Variants in TMEM132C observed in about 807,000 individuals in gnomAD.
TMEM132C encodes transmembrane protein 132C.
Under a neutral mutation model 61.4 loss-of-function variants are expected in TMEM132C, and 29 were observed. That is an observed-to-expected ratio of 0.47 (90% CI 0.35 to 0.64). TMEM132C has a LOEUF of 0.64. Ranked by LOEUF, TMEM132C falls within the 30% of genes least tolerant of loss-of-function variation. The pLI, the probability that TMEM132C is intolerant of heterozygous loss-of-function variation, is 0.00. For missense variants in TMEM132C, 1,408 were observed against 1,476.9 expected (o/e 0.95, Z 0.76); for synonymous variants, 656 against 633.1 (o/e 1.04, Z -0.54).
intron 8 of TMEM132C, among the ~76,000 whole-genome samples, chr12:128,700,602 C>T (rs913084845): frequency 6.6e-6 from 1 of 152,182 alleles, no homozygotes; most frequent in African/African-American, 2.4e-5. Flanking sequence ...AGAAGGCTGG[C>T]ACCTTGTTCA....
intron 3 of TMEM132C, 26 bp downstream of exon 3, chr12:128,544,129 T>C (rs1398482359): frequency 6.7e-7 from 1 of 1,486,738 alleles, no homozygotes; most frequent in Admixed American, 2.4e-5. Flanking sequence ...CCTGCAAGCG[T>C]GTGTGGTTCC....
At chr12:128,323,201 G>C (rs1872392813) in intron 1 of TMEM132C, among the ~76,000 whole-genome samples, 2 of 152,180 alleles carry the variant, frequency 1.3e-5, no homozygotes, top group Non-Finnish European at 2.9e-5. Flanking sequence ...TTTCAGTGAG[G>C]TCCTGGCTTG....
rs1461113209 is a variant in TMEM132C, at chr12:128,706,785, A to T, written c.*490A>T. 6.6e-6 allele frequency: 1 copy of T among 152,502 alleles called. No individual in the cohort carries two copies. The highest frequency in any genetic ancestry group is 1.5e-5 in the Non-Finnish European group (1 of 68,424). The allele number at this position is 152,502 out of a possible 1,614,324, so 9.4% of individuals were successfully genotyped here. ...AACTGTCACCACACAGCTGGGGGGGAGTCATTTCTTAACAAGGGATGCCTC... is the reference window on the plus strand; with the variant it reads ...AACTGTCACCACACAGCTGGGGGGGTGTCATTTCTTAACAAGGGATGCCTC... On this transcript the variant is annotated 3_prime_UTR_variant, in exon 9 of 9. Transcript: ENST00000435159.
At chr12:128,615,300 G>T (rs1441078604) in intron 3 of TMEM132C, among the ~76,000 whole-genome samples, 1 of 152,188 alleles carries the variant, frequency 6.6e-6, no homozygotes, top group Non-Finnish European at 1.5e-5. Context: ...GGTGGTGGGG[G>T]AAGGATGGTT....
intron 2 of TMEM132C, among the ~76,000 whole-genome samples, chr12:128,446,641 A>G (rs1272044011): frequency 2.0e-5 from 3 of 152,166 alleles, no homozygotes; most frequent in Admixed American, 2.0e-4. Flanking sequence ...AGCTTTGCAG[A>G]CCTCTAAATT....
intron 1 of TMEM132C, among the ~76,000 whole-genome samples, chr12:128,289,313 C>A (rs1434864897): frequency 6.6e-6 from 1 of 152,170 alleles, no homozygotes; most frequent in Non-Finnish European, 1.5e-5. Context: ...GACACACATA[C>A]GTGAATGCAG....
chr12:128,510,307 C>A (rs192890699), intron 2 of TMEM132C, among the ~76,000 whole-genome samples: 6 of 152,212 alleles, frequency 3.9e-5, no homozygotes, highest in African/African-American at 9.7e-5. Flanking sequence ...TACAGGCCAA[C>A]AACACCATGA....
intron 1 of TMEM132C, among the ~76,000 whole-genome samples, chr12:128,303,635 C>T (rs1260553466): frequency 6.6e-6 from 1 of 152,208 alleles, no homozygotes; most frequent in Non-Finnish European, 1.5e-5. Context: ...CGTGGAACTG[C>T]TGTTCTCAAC....
At chr12:128,590,063 C>T (rs942062887) in intron 3 of TMEM132C, among the ~76,000 whole-genome samples, 1 of 152,186 alleles carries the variant, frequency 6.6e-6, no homozygotes, top group Admixed American at 6.5e-5. Context: ...AATTACTTCT[C>T]TGGGATATGG....
chr12:128,270,951 A>G (rs757711966), intron 1 of TMEM132C, among the ~76,000 whole-genome samples: 2 of 152,094 alleles, frequency 1.3e-5, no homozygotes, highest in Non-Finnish European at 2.9e-5. Flanking sequence ...AAGGCTCCCA[A>G]CATTTAAAAA....
At chr12:128,290,251 AG>A (rs946298047) in intron 1 of TMEM132C, among the ~76,000 whole-genome samples, 7 of 152,290 alleles carry the variant, frequency 4.6e-5, no homozygotes, top group African/African-American at 1.7e-4. Context: ...ACAGTTCTGC[AG>A]GCTTAATAGA....
intron 5 of TMEM132C, among the ~76,000 whole-genome samples, chr12:128,682,308 G>A (rs1007459427): frequency 5.3e-5 from 8 of 152,126 alleles, no homozygotes; most frequent in African/African-American, 1.9e-4. Flanking sequence ...ATTCTTTGTC[G>A]CCTGATTGTT....
chr12:128,429,731 G>A (rs1454920306), intron 2 of TMEM132C, among the ~76,000 whole-genome samples: 1 of 152,212 alleles, frequency 6.6e-6, no homozygotes, highest in East Asian at 1.9e-4. Flanking sequence ...TAACATCAGA[G>A]AGGGGTATTC....
intron 2 of TMEM132C, among the ~76,000 whole-genome samples, chr12:128,505,917 C>T (rs1247970031): frequency 6.6e-6 from 1 of 152,042 alleles, no homozygotes. Context: ...TTGCATTCCA[C>T]AGAGCCTCCC....
chr12:128,702,334 CATTTATTATGAAATTT>C (rs1384967566), intron 8 of TMEM132C, among the ~76,000 whole-genome samples: 2 of 151,518 alleles, frequency 1.3e-5, no homozygotes, highest in African/African-American at 4.9e-5. Context: ...TCATAAATAA[CATTTATTATGAAATTT>C]ATTTATTATG....
At chr12:128,607,555 C>T (rs1300400716) in intron 3 of TMEM132C, among the ~76,000 whole-genome samples, 3 of 152,158 alleles carry the variant, frequency 2.0e-5, no homozygotes, top group Non-Finnish European at 4.4e-5. Flanking sequence ...TGGGCTGGAG[C>T]AGTCGTAACG....
chr12:128,534,912 A>G (rs1156582209), intron 2 of TMEM132C, among the ~76,000 whole-genome samples: 2 of 152,264 alleles, frequency 1.3e-5, no homozygotes, highest in Non-Finnish European at 2.9e-5. Context: ...TTAAGCGGAA[A>G]GAACAATTTG....
chr12:128,527,300 C>T (rs918501460), intron 2 of TMEM132C, among the ~76,000 whole-genome samples: 9 of 152,270 alleles, frequency 5.9e-5, no homozygotes, highest in African/African-American at 1.7e-4. Context: ...GCCAGGAGTC[C>T]GGTGCTATTA....
At chr12:128,454,531 T>C (rs929030561) in intron 2 of TMEM132C, among the ~76,000 whole-genome samples, 27 of 152,214 alleles carry the variant, frequency 1.8e-4, no homozygotes, top group African/African-American at 6.3e-4. Flanking sequence ...GCCTCTAACT[T>C]TGTGGGGCAA....
Sources: allele counts gnomAD v4.1 joint callset (sites outside exome capture counted in the v4.1 genomes callset), GRCh38; gene constraint gnomAD v4.1.1; transcripts MANE v1.5; gene names NCBI Gene and HGNC (gene_info 2026-07-23, HGNC 2026-07-21).